The following SNX16 variants were observed in gnomAD, a reference collection of about 807,000 sequenced individuals.
SNX16 encodes sorting nexin-16.
A neutral mutation model predicts 36.7 loss-of-function variants in SNX16; 35 were observed. That is an observed-to-expected ratio of 0.95 (90% CI 0.73 to 1.27). The LOEUF is 1.27. Ranked by LOEUF, SNX16 falls within the 50% of genes most tolerant of loss-of-function variation. The probability of loss-of-function intolerance (pLI) is 0.00; values close to 1 mark genes in which losing one functional copy is unlikely to be tolerated. For missense variants in SNX16, 367 were observed against 393.6 expected (o/e 0.93, Z 0.57); for synonymous variants, 134 against 132.0 (o/e 1.02, Z -0.10).
chr8:81,809,791 G>A (rs896911319), intron 5 of SNX16, among the ~76,000 whole-genome samples: 1 of 152,268 alleles, frequency 6.6e-6, no homozygotes, highest in Admixed American at 6.5e-5. Flanking sequence ...AAGTTGAAGA[G>A]GAGAATATCT....
At position 81,839,802 on chromosome 8, in the gene SNX16, T is replaced by G. The variant is rs1811655128; in HGVS notation, c.185A>C (p.Asp62Ala). 1.9e-6 allele frequency: 3 copies of G among 1,613,572 alleles called. No individual in the cohort carries two copies. Among genetic ancestry groups the G allele is most frequent in the Admixed American group, 3.3e-5 (2 of 60,008 alleles). ...ACTGCTACAGACAGATGAAGTATTA[T>G]CCATTTGATCAGGAACACTTGTCTG... Reference protein sequence around the residue: ...FKQTSVPDQMDNTSSVCSSPL... With the variant: ...FKQTSVPDQMANTSSVCSSPL... The change falls in exon 2 of 8, where the codon GAT becomes GCT. Residue 62 changes from aspartate (D) to alanine (A), a missense_variant. By Grantham distance (126) the Asp-to-Ala change is moderately radical. Coordinates refer to ENST00000345957, the MANE Select transcript of SNX16 (RefSeq NM_152836.3).
chr8:81,812,474 T>C (rs896206279), intron 5 of SNX16, among the ~76,000 whole-genome samples: 14 of 152,046 alleles, frequency 9.2e-5, no homozygotes, highest in Admixed American at 9.2e-4. Flanking sequence ...GGTTGATTTT[T>C]TTTTTATCAG....
intron 5 of SNX16, among the ~76,000 whole-genome samples, chr8:81,805,228 A>G (rs948733016): frequency 1.3e-5 from 2 of 152,162 alleles, no homozygotes; most frequent in African/African-American, 4.8e-5. Flanking sequence ...AACAGTCAAT[A>G]ATATTAGAAA....
chr8:81,816,378 T>G lies in SNX16; in HGVS notation c.612-984A>C, dbSNP rs924165271. On this transcript the variant is annotated intron_variant, in intron 4 of 7. Coordinates refer to ENST00000345957, the MANE Select transcript of SNX16 (RefSeq NM_152836.3). Reference sequence around the variant, plus strand: ...CTAATTTTTGTATTTTTAGTAGAGATAGTGTTTCTCCATGTTGGCCAGGCT... The same window carrying G: ...CTAATTTTTGTATTTTTAGTAGAGAGAGTGTTTCTCCATGTTGGCCAGGCT... Among the ~76,000 whole-genome samples, 3 of 151,854 alleles carry G rather than the reference T, an allele frequency of 2.0e-5. No individual in the cohort carries two copies. In the East Asian group the frequency reaches 5.8e-4, roughly 30 times the overall value.
chr8:81,818,768 A>G (rs1585996721), intron 4 of SNX16, among the ~76,000 whole-genome samples: 1 of 152,210 alleles, frequency 6.6e-6, no homozygotes, highest in East Asian at 1.9e-4. Flanking sequence ...AACCTGTTAG[A>G]AATGCAAAAT....
chr8:81,815,305 C>T lies in SNX16; in HGVS notation c.681+20G>A. ...CATTAATTGTTCCTCTTTTCATGTG[C>T]TATATAATACAGCACTTACCCTGCT... On this transcript the variant is annotated intron_variant, in intron 5 of 7. Coordinates refer to ENST00000345957, the MANE Select transcript of SNX16 (RefSeq NM_152836.3). 6.3e-7 allele frequency: 1 copy of T among 1,582,400 alleles called. No individual in the cohort carries two copies.
intron 2 of SNX16, among the ~76,000 whole-genome samples, chr8:81,837,832 A>AAG (rs776151675): frequency 2.0e-5 from 3 of 152,110 alleles, no homozygotes; most frequent in African/African-American, 7.2e-5. Context: ...ATTTTCTAAA[A>AAG]AGAGAGAGAG....
chr8:81,813,630 A>C (rs1222890934), intron 5 of SNX16, among the ~76,000 whole-genome samples: 2 of 151,948 alleles, frequency 1.3e-5, no homozygotes, highest in South Asian at 2.1e-4. Flanking sequence ...AATGCCATTA[A>C]GAGGATGAAA....
intron 4 of SNX16, among the ~76,000 whole-genome samples, chr8:81,821,011 A>C (rs1328972490): frequency 6.6e-6 from 1 of 151,206 alleles, no homozygotes; most frequent in Non-Finnish European, 1.5e-5. Context: ...GTGAGTACCA[A>C]GGCACAAGTA....
At chr8:81,835,625 T>A (rs1811460867) in intron 2 of SNX16, among the ~76,000 whole-genome samples, 1 of 152,226 alleles carries the variant, frequency 6.6e-6, no homozygotes, top group African/African-American at 2.4e-5. Context: ...CAGAAATCTC[T>A]AGGGCAGGGG....
At chr8:81,829,593 A>T (rs950328229) in intron 2 of SNX16, 77 bp from the exon 3 acceptor site, 88 of 555,902 alleles carry the variant, frequency 1.6e-4, no homozygotes, top group African/African-American at 1.4e-4. Flanking sequence ...CAAATATTTT[A>T]AAAAATTTTA....
intron 5 of SNX16, among the ~76,000 whole-genome samples, chr8:81,806,834 T>C (rs1809975193): frequency 6.6e-6 from 1 of 151,876 alleles, no homozygotes; most frequent in Admixed American, 6.6e-5. Flanking sequence ...TAAAAATCAA[T>C]AATAAAACTA....
chr8:81,835,265 C>T (rs937329169), intron 2 of SNX16, among the ~76,000 whole-genome samples: 4 of 152,180 alleles, frequency 2.6e-5, no homozygotes, highest in Non-Finnish European at 5.9e-5. Flanking sequence ...GACCCTGGGC[C>T]CAGTCCACAA....
At chr8:81,833,863 T>G (rs1811376571) in intron 2 of SNX16, among the ~76,000 whole-genome samples, 1 of 152,210 alleles carries the variant, frequency 6.6e-6, no homozygotes, top group Non-Finnish European at 1.5e-5. Context: ...CCAATAACTG[T>G]TGTTGTTTCT....
intron 7 of SNX16, among the ~76,000 whole-genome samples, chr8:81,802,155 G>C (rs1396247226): frequency 6.6e-6 from 1 of 151,634 alleles, no homozygotes; most frequent in African/African-American, 2.4e-5. Context: ...AGTAAGTAAT[G>C]AGAAAACTTA....
At position 81,839,639 on chromosome 8, in the gene SNX16, T is replaced by C. The variant is rs761549627; in HGVS notation, c.348A>G (p.Glu116=). The C allele has an allele frequency of 6.2e-7, 1 of 1,613,378 alleles. No homozygotes were observed. The highest frequency in any genetic ancestry group is 8.5e-7 in the Non-Finnish European group (1 of 1,179,620). Residue 116 remains glutamate, a synonymous_variant, in exon 2 of 8, where the codon GAA becomes GAG. Transcript: ENST00000345957. ...RPSTPTILGY[E]VMEERAKFTV... is the part of the protein sequence containing the mutation. ...TAAATTTAGCTCTTTCTTCCATCAC[T>C]TCATAACCCAGTATAGTAGGTGTAG...
intron 4 of SNX16, among the ~76,000 whole-genome samples, chr8:81,822,937 T>TAC (rs1554546197): frequency 2.1e-4 from 17 of 80,992 alleles, no homozygotes; most frequent in South Asian, 5.0e-4. Flanking sequence ...TATATATATA[T>TAC]ATACATATAC....
intron 4 of SNX16, among the ~76,000 whole-genome samples, chr8:81,816,945 T>A (rs1391018943): frequency 6.6e-6 from 1 of 152,220 alleles, no homozygotes; most frequent in Non-Finnish European, 1.5e-5. Flanking sequence ...TGGCCTCTAG[T>A]AGAAAACTGC....
At chr8:81,822,482 T>C (rs1810790292) in intron 4 of SNX16, among the ~76,000 whole-genome samples, 1 of 151,964 alleles carries the variant, frequency 6.6e-6, no homozygotes, top group African/African-American at 2.4e-5. Flanking sequence ...CAAAGATCAC[T>C]GTGGCTCTAC....
Sources: gnomAD v4.1 joint callset for allele counts (sites outside exome capture counted in the v4.1 genomes callset) on GRCh38, gnomAD v4.1.1 for gene constraint, MANE v1.5 for transcripts, NCBI Gene and HGNC (gene_info 2026-07-23, HGNC 2026-07-21) for gene names.